Variants in SUCLA2 observed in about 807,000 individuals in gnomAD.
SUCLA2 encodes the protein succinate-CoA ligase ADP-forming subunit beta.
In SUCLA2, 30 loss-of-function variants were observed where a neutral mutation model predicts 54.8. The ratio of observed to expected loss-of-function variants is 0.55; its 90% CI spans 0.41 to 0.74. The LOEUF (loss-of-function observed/expected upper bound fraction) is 0.74. Ranked by LOEUF, SUCLA2 falls within the 30% of genes least tolerant of loss-of-function variation. The pLI, the probability that SUCLA2 is intolerant of heterozygous loss-of-function variation, is 0.00. For synonymous variants in SUCLA2, 172 were observed against 188.9 expected (o/e 0.91, Z 0.74); for missense variants, 476 against 562.9 (o/e 0.85, Z 1.56).
intron 10 of SUCLA2, among the ~76,000 whole-genome samples, chr13:47,946,778 T>C (rs1949735601): frequency 6.6e-6 from 1 of 152,096 alleles, no homozygotes; most frequent in Non-Finnish European, 1.5e-5. Context: ...AAAACTGTCA[T>C]ATCTGTACTA....
At chr13:47,992,141 G>T (rs1950154738) in intron 2 of SUCLA2, among the ~76,000 whole-genome samples, 1 of 152,122 alleles carries the variant, frequency 6.6e-6, no homozygotes, top group Non-Finnish European at 1.5e-5. Flanking sequence ...GTAAAAAATG[G>T]TCATAGTTAC....
chr13:47,945,029 A>T (rs1041584488), intron 10 of SUCLA2, among the ~76,000 whole-genome samples: 26 of 152,104 alleles, frequency 1.7e-4, no homozygotes, highest in Non-Finnish European at 3.2e-4. Flanking sequence ...AGGCAGGTGG[A>T]TCACAAAGTC....
At chr13:47,949,102 T>C in intron 9 of SUCLA2, 74 bp from the exon 10 acceptor site, 1 of 1,458,062 alleles carries the variant, frequency 6.9e-7, no homozygotes, top group Non-Finnish European at 9.6e-7. Flanking sequence ...TGCCAAAACA[T>C]GGTATAAGAA....
Position 47,973,481 on chromosome 13 carries a change from G to A in SUCLA2, c.535-89C>T. The A allele has an allele frequency of 3.5e-6, 5 of 1,448,358 alleles. 1 individual carries two copies. Among genetic ancestry groups the A allele is most frequent in the South Asian group, 2.3e-5 (2 of 87,172 alleles). The allele number at this position is 1,448,358 out of a possible 1,614,324, so 89.7% of individuals were successfully genotyped here. A position where few individuals can be genotyped will look rare whatever the true frequency, so the allele number is the denominator to read the frequency against. On this transcript the variant is annotated intron_variant, in intron 4 of 10. Coordinates refer to ENST00000646932, the MANE Select transcript of SUCLA2 (RefSeq NM_003850.3). ...AACCTACCCGTGCATAATATCAGAT[G>A]TAAGCATCTATTACTCTCTACCCAC...
chr13:47,993,048 T>C (rs997361545), intron 2 of SUCLA2, among the ~76,000 whole-genome samples: 1 of 152,086 alleles, frequency 6.6e-6, no homozygotes. Flanking sequence ...CTGGGCAACA[T>C]GGTGAAACCC....
chr13:47,995,200 T>G (rs1278818746), intron 2 of SUCLA2, among the ~76,000 whole-genome samples: 1 of 152,092 alleles, frequency 6.6e-6, no homozygotes, highest in Non-Finnish European at 1.5e-5. Flanking sequence ...AAAAAATTTT[T>G]TTTTGGAATT....
chr13:47,945,249 T>TAA (rs35349385), intron 10 of SUCLA2, among the ~76,000 whole-genome samples: 2,383 of 85,138 alleles, frequency 0.028, 33 homozygotes, highest in South Asian at 0.08. Flanking sequence ...AACTCTGTCT[T>TAA]AAAAAAAAAA....
At chr13:47,987,362 A>T (rs1218857445) in intron 4 of SUCLA2, among the ~76,000 whole-genome samples, 1 of 152,178 alleles carries the variant, frequency 6.6e-6, no homozygotes, top group Non-Finnish European at 1.5e-5. Context: ...AAAATGACAG[A>T]TGCCGATATA....
At chr13:47,982,352 C>T (rs1282675254) in intron 4 of SUCLA2, among the ~76,000 whole-genome samples, 2 of 152,094 alleles carry the variant, frequency 1.3e-5, no homozygotes, top group East Asian at 3.9e-4. Context: ...AAAAAGACAG[C>T]TACTTCAGGT....
intron 5 of SUCLA2, chr13:47,971,986 C>G: frequency 2.5e-6 from 1 of 396,840 alleles, no homozygotes; most frequent in Non-Finnish European, 4.4e-6. Context: ...CGCGGTGGCT[C>G]ACGCCTGTAA....
intron 6 of SUCLA2, among the ~76,000 whole-genome samples, chr13:47,959,265 G>T (rs903980161): frequency 6.6e-6 from 1 of 151,918 alleles, no homozygotes; most frequent in African/African-American, 2.4e-5. Flanking sequence ...GGAAACAAGT[G>T]GGGGAGAAAG....
At position 47,981,053 on chromosome 13, in the gene SUCLA2, C is replaced by T. The variant is rs1950057091; in HGVS notation, c.534+7488G>A. Among the ~76,000 whole-genome samples, 3 of 152,070 alleles carry T rather than the reference C, an allele frequency of 2.0e-5. No homozygotes were observed. The South Asian group carries it at 6.2e-4, about 31-fold the overall frequency. ...TTGGATTTAGCAATGATTTCTTAAA[C>T]ATGATACCAAAGGCACAGGCAGAAA... On this transcript the variant is annotated intron_variant, in intron 4 of 10. Coordinates refer to ENST00000646932, the MANE Select transcript of SUCLA2 (RefSeq NM_003850.3).
At chr13:47,983,270 T>C (rs1289527089) in intron 4 of SUCLA2, among the ~76,000 whole-genome samples, 2 of 152,218 alleles carry the variant, frequency 1.3e-5, no homozygotes, top group South Asian at 4.1e-4. Flanking sequence ...CTTCGTTTTC[T>C]CTCTAGCAAG....
At chr13:47,965,460 G>A in intron 6 of SUCLA2, 1 of 373,058 alleles carries the variant, frequency 2.7e-6, no homozygotes, top group African/African-American at 2.4e-5. Flanking sequence ...AACACAAACT[G>A]AAGGGCATTC....
chr13:47,979,355 G>C (rs950772066), intron 4 of SUCLA2, among the ~76,000 whole-genome samples: 1 of 152,098 alleles, frequency 6.6e-6, no homozygotes, highest in Non-Finnish European at 1.5e-5. Context: ...GGATGAAGCT[G>C]GAAACCATCA....
chr13:47,964,774 A>G (rs1015047410), intron 6 of SUCLA2, among the ~76,000 whole-genome samples: 4 of 152,014 alleles, frequency 2.6e-5, no homozygotes, highest in South Asian at 2.1e-4. Context: ...GGAGAACGGC[A>G]TGAACCTGGG....
chr13:47,965,060 A>G (rs1949906843), intron 6 of SUCLA2, among the ~76,000 whole-genome samples: 1 of 151,868 alleles, frequency 6.6e-6, no homozygotes, highest in Non-Finnish European at 1.5e-5. Context: ...CAGTCTGCGT[A>G]ACAAAATAAG....
chr13:47,963,035 C>T (rs1228903325), intron 6 of SUCLA2, among the ~76,000 whole-genome samples: 1 of 124,438 alleles, frequency 8.0e-6, no homozygotes, highest in Non-Finnish European at 1.8e-5. Flanking sequence ...TCTTCCCTGC[C>T]ATATAAACCC....
At chr13:47,952,969 C>T (rs1415340626) in intron 8 of SUCLA2, among the ~76,000 whole-genome samples, 1 of 152,096 alleles carries the variant, frequency 6.6e-6, no homozygotes. Flanking sequence ...TCAGTGAAGG[C>T]CACCCTGATT....
Sources: allele counts gnomAD v4.1 joint callset (sites outside exome capture counted in the v4.1 genomes callset), GRCh38; gene constraint gnomAD v4.1.1; transcripts MANE v1.5; gene names NCBI Gene and HGNC (gene_info 2026-07-23, HGNC 2026-07-21).